Variants in TLE4 observed in about 807,000 individuals in gnomAD.
The protein encoded by TLE4 is transducin-like enhancer protein 4.
In TLE4, 8 loss-of-function variants were observed where a neutral mutation model predicts 92.8. The observed-to-expected ratio is 0.09, with a 90% confidence interval of 0.05 to 0.16. The LOEUF (loss-of-function observed/expected upper bound fraction) is 0.16. Among genes scored for constraint, TLE4 ranks in the 10% least tolerant of loss-of-function variants. TLE4 has a pLI of 1.00. For missense variants in TLE4, 675 were observed against 997.6 expected, an observed-to-expected ratio of 0.68 and a Z score of 4.36; for synonymous variants, 371 against 374.1, an observed-to-expected ratio of 0.99 and a Z score of 0.10.
At chr9:79,633,573 C>T (rs1197647733) in intron 6 of TLE4, among the ~76,000 whole-genome samples, 12 of 151,992 alleles carry the variant, frequency 7.9e-5, no homozygotes, top group Non-Finnish European at 1.5e-4. Flanking sequence ...CCACAGAGCT[C>T]GGCAGGCTGA....
chr9:79,655,740 T>TA (rs1283462780), intron 8 of TLE4, among the ~76,000 whole-genome samples: 1 of 152,218 alleles, frequency 6.6e-6, no homozygotes, highest in African/African-American at 2.4e-5. Flanking sequence ...GATTAACTGA[T>TA]ACCAGCCTTT....
Position 79,572,105 on chromosome 9 carries a change from A to G in TLE4, c.-686A>G, listed in dbSNP as rs2035998333. ...GAGAGAATTAAAAAAAAAAGCCGCA[A>G]GCGTTTCACTCTTTTATTTTTATAA... is the stretch of plus-strand genomic sequence containing the variant. On this transcript the variant is annotated 5_prime_UTR_variant, in exon 1 of 20. Transcript: ENST00000376552. 1 of 152,104 alleles carries G rather than the reference A, an allele frequency of 6.6e-6. No individual in the cohort carries two copies. Among genetic ancestry groups the G allele is most frequent in the African/African-American group, 2.4e-5 (1 of 41,428 alleles). 9.4% of individuals were successfully genotyped at this position (152,104 alleles called of 1,614,324 possible). A position where few individuals can be genotyped will look rare whatever the true frequency, so the allele number is the denominator to read the frequency against.
intron 4 of TLE4, among the ~76,000 whole-genome samples, chr9:79,594,329 T>C (rs2043414699): frequency 6.6e-6 from 1 of 152,226 alleles, no homozygotes; most frequent in Non-Finnish European, 1.5e-5. Context: ...CCAAAATGTC[T>C]TCCATTTCTA....
At chr9:79,668,017 T>C (rs948265792) in intron 8 of TLE4, among the ~76,000 whole-genome samples, 19 of 152,228 alleles carry the variant, frequency 1.2e-4, no homozygotes, top group African/African-American at 4.6e-4. Flanking sequence ...ACATAACAAA[T>C]GATTAGACAA....
intron 8 of TLE4, among the ~76,000 whole-genome samples, chr9:79,680,564 A>G (rs891779682): frequency 2.6e-5 from 4 of 152,326 alleles, no homozygotes; most frequent in South Asian, 2.1e-4. Flanking sequence ...CAATCATGTC[A>G]TCTGCAAACA....
At chr9:79,679,805 G>A (rs1275575264) in intron 8 of TLE4, among the ~76,000 whole-genome samples, 3 of 152,056 alleles carry the variant, frequency 2.0e-5, no homozygotes, top group Admixed American at 6.6e-5. Context: ...AAGGTGTAAG[G>A]AAGGGATCCA....
At chr9:79,625,050 C>T (rs1273982528) in intron 5 of TLE4, among the ~76,000 whole-genome samples, 2 of 105,768 alleles carry the variant, frequency 1.9e-5, no homozygotes, top group Non-Finnish European at 1.7e-5. Flanking sequence ...GACGGAGTCT[C>T]GCTCTGTCGC....
In TLE4 at chr9:79,720,103, G is replaced by A; in HGVS notation, c.1648G>A (p.Val550Ile). The change falls in exon 16 of 20, where the codon GTT (valine) becomes ATT (isoleucine). Residue 550 changes from valine (V) to isoleucine (I), a missense_variant. Val to Ile is a conservative substitution (Grantham distance 29). Transcript: ENST00000376552. Reference protein sequence around the residue: ...RLLPDGRTLIVGGEASTLSIW... With the variant: ...RLLPDGRTLIIGGEASTLSIW... ...GCTCCCTGATGGTCGCACCCTAATT[G>A]TTGGAGGGGAAGCCAGTACTTTGTC... 1 of 1,614,088 alleles carries A rather than the reference G, an allele frequency of 6.2e-7. No homozygotes were observed. Among genetic ancestry groups the A allele is most frequent in the Non-Finnish European group, 8.5e-7 (1 of 1,179,992 alleles).
At chr9:79,653,517 T>C (rs1330201327) in intron 7 of TLE4, among the ~76,000 whole-genome samples, 3 of 152,222 alleles carry the variant, frequency 2.0e-5, no homozygotes, top group African/African-American at 4.8e-5. Context: ...TGATAATTTT[T>C]ATTAGTTGAT....
chr9:79,668,217 T>C (rs2061714549), intron 8 of TLE4, among the ~76,000 whole-genome samples: 1 of 152,160 alleles, frequency 6.6e-6, no homozygotes, highest in African/African-American at 2.4e-5. Flanking sequence ...GGCTGGATAA[T>C]TGTGAAGGAT....
chr9:79,663,449 G>A (rs1420950077), intron 8 of TLE4: 1 of 152,238 alleles, frequency 6.6e-6, no homozygotes, highest in Admixed American at 6.5e-5. Flanking sequence ...AAACGGCAGA[G>A]ATACAGAACC....
At chr9:79,573,177 G>T in intron 1 of TLE4, 5 of 913,092 alleles carry the variant, frequency 5.5e-6, no homozygotes, top group Non-Finnish European at 6.7e-6. Flanking sequence ...CGGGGAGGGC[G>T]CCCTCGGCAG....
At chr9:79,632,493 G>T (rs1035928942) in intron 6 of TLE4, among the ~76,000 whole-genome samples, 2 of 152,150 alleles carry the variant, frequency 1.3e-5, no homozygotes, top group African/African-American at 2.4e-5. Flanking sequence ...CTTAGGATTT[G>T]ATTTCATAGG....
chr9:79,665,973 T>A (rs1165554327), intron 8 of TLE4, among the ~76,000 whole-genome samples: 1 of 152,192 alleles, frequency 6.6e-6, no homozygotes, highest in Non-Finnish European at 1.5e-5. Flanking sequence ...AATTCTCAAA[T>A]TTTATTTCTA....
chr9:79,593,907 C>T (rs1224050539), intron 4 of TLE4, among the ~76,000 whole-genome samples: 2 of 152,168 alleles, frequency 1.3e-5, no homozygotes, highest in African/African-American at 4.8e-5. Context: ...ATAGGCAATA[C>T]GATCCTAAAT....
At chr9:79,573,497 A>G in intron 1 of TLE4, 192 bp from the exon 2 acceptor site, 2 of 898,750 alleles carry the variant, frequency 2.2e-6, no homozygotes, top group East Asian at 3.3e-5. Context: ...GCGGGGCCCC[A>G]GGACCACCTC....
At chr9:79,699,463 G>A (rs893115237) in intron 8 of TLE4, among the ~76,000 whole-genome samples, 1 of 152,208 alleles carries the variant, frequency 6.6e-6, no homozygotes, top group Non-Finnish European at 1.5e-5. Flanking sequence ...GTGAAGGGAA[G>A]TCTGGACAAC....
intron 4 of TLE4, among the ~76,000 whole-genome samples, chr9:79,583,792 C>G (rs2040340225): frequency 6.6e-6 from 1 of 152,154 alleles, no homozygotes; most frequent in Non-Finnish European, 1.5e-5. Context: ...CACTAGTACT[C>G]TGTAACACCC....
At chr9:79,657,717 C>T (rs74805242) in intron 8 of TLE4, among the ~76,000 whole-genome samples, 1,688 of 152,242 alleles carry the variant, frequency 0.011, 37 homozygotes, top group African/African-American at 0.038. Context: ...GTTCAGAAAT[C>T]GTCTTATTTC....
Sources: allele counts gnomAD v4.1 joint callset (sites outside exome capture counted in the v4.1 genomes callset), GRCh38; gene constraint gnomAD v4.1.1; transcripts MANE v1.5; gene names NCBI Gene and HGNC (gene_info 2026-07-23, HGNC 2026-07-21).